Variants in ANXA5 observed in about 807,000 individuals in gnomAD.
ANXA5 encodes annexin A5.
In ANXA5, 40 loss-of-function variants were observed where a neutral mutation model predicts 48.1. That is an observed-to-expected ratio of 0.83 (90% CI 0.65 to 1.08). The LOEUF is 1.08. Ranked by LOEUF, ANXA5 falls within the 50% of genes least tolerant of loss-of-function variation. ANXA5 has a pLI of 0.00. For missense variants in ANXA5, 357 were observed against 376.8 expected (o/e 0.95, Z 0.44); for synonymous variants, 113 against 129.1 (o/e 0.88, Z 0.85).
intron 11 of ANXA5, 22 bp from the exon 12 acceptor site, chr4:121,669,746 G>T (rs781741263): frequency 6.4e-7 from 1 of 1,568,642 alleles, no homozygotes; most frequent in South Asian, 1.2e-5. Flanking sequence ...AAAAAAAAGA[G>T]AGAAGCAAAA....
chr4:121,681,856 T>C lies in ANXA5; in HGVS notation c.304-95A>G, dbSNP rs113181615. 1.7e-5 allele frequency: 13 copies of C among 756,820 alleles called. No individual in the cohort carries two copies. The Admixed American group carries it at 2.4e-4, about 14-fold the overall frequency. 46.9% of individuals were successfully genotyped at this position (756,820 alleles called of 1,614,324 possible). On this transcript the variant is annotated intron_variant, in intron 5 of 12. Transcript: ENST00000296511. The stretch of plus-strand genomic sequence containing the variant: ...AGATGTTACCCAAATTGCATAGTTA[T>C]ATAAATATTATCCAGTATAACATGG...
chr4:121,670,964 G>A (rs1018554771), intron 10 of ANXA5, among the ~76,000 whole-genome samples: 3 of 152,188 alleles, frequency 2.0e-5, no homozygotes, highest in East Asian at 3.9e-4. Flanking sequence ...AGGACCACAG[G>A]AGACTCACAA....
In ANXA5 at chr4:121,669,967, T is replaced by C; in HGVS notation, c.767A>G (p.Tyr256Cys). Residue 256 changes from tyrosine to cysteine, a missense_variant, in exon 11 of 13, where the codon TAT becomes TGT. Physicochemically the swap from Tyr to Cys is radical, Grantham distance 194 (BLOSUM62 -2). Coordinates refer to ENST00000296511, the MANE Select transcript of ANXA5 (RefSeq NM_001154.4). ...SIPAYLAETL[Y>C]YAMKGAGTDD... The stretch of plus-strand genomic sequence containing the variant: ...GTCTCCACTTACCTTCATAGCATAA[T>C]AGAGGGTCTCTGCAAGGTAGGCAGG... 2 of 1,603,126 alleles carry C rather than the reference T, an allele frequency of 1.2e-6. No homozygotes were observed. The highest frequency in any genetic ancestry group is 1.7e-5 in the Admixed American group (1 of 57,900).
At chr4:121,677,997 T>A in intron 7 of ANXA5, 47 bp from the exon 8 acceptor site, 1 of 1,495,684 alleles carries the variant, frequency 6.7e-7, no homozygotes, top group Admixed American at 1.8e-5. Context: ...AGCATTCTCA[T>A]TCAAAAGGAA....
At chr4:121,680,116 T>A (rs933640226) in intron 6 of ANXA5, among the ~76,000 whole-genome samples, 3 of 152,166 alleles carry the variant, frequency 2.0e-5, no homozygotes, top group African/African-American at 4.8e-5. Context: ...TCAATTTTTT[T>A]AGATTCAACA....
At chr4:121,696,838 C>G in intron 1 of ANXA5, 25 bp downstream of exon 1, 1 of 362,410 alleles carries the variant, frequency 2.8e-6, no homozygotes, top group Non-Finnish European at 5.0e-6. Context: ...AGAAGGAGCC[C>G]CCTCCCCGGG....
In ANXA5 at chr4:121,684,686, C is replaced by T. The variant is rs376942269; in HGVS notation, c.180G>A (p.Leu60=). ...RQEISAAFKT[L]FGRDLLDDLK... is the part of the protein sequence containing the mutation. ...TGAAGTGTGGTCTTACCCTGCCAAA[C>T]AGAGTCTTAAAAGCTGCAGAGATTT... Residue 60 remains leucine, a synonymous_variant, in exon 4 of 13, where the codon CTG becomes CTA. Transcript: ENST00000296511. 8 of 1,613,700 alleles carry T rather than the reference C, an allele frequency of 5.0e-6. 1 individual carries two copies. The highest frequency in any genetic ancestry group is 1.1e-5 in the South Asian group (1 of 91,054).
intron 2 of ANXA5, among the ~76,000 whole-genome samples, chr4:121,695,825 G>A (rs117813005): frequency 0.02 from 3,083 of 151,844 alleles, 39 homozygotes; most frequent in East Asian, 0.042. Context: ...GCTTGAACCC[G>A]GGAGGCAGAG....
chr4:121,687,915 A>T (rs1281089963), intron 2 of ANXA5, among the ~76,000 whole-genome samples: 1 of 152,140 alleles, frequency 6.6e-6, no homozygotes, highest in African/African-American at 2.4e-5. Context: ...GGATACCCCT[A>T]CTTTTGGTAT....
rs1187644128 is a variant in ANXA5 at position 121,669,980 on chromosome 4, C to T, written c.754G>A (p.Ala252Thr). 1 of 1,605,414 alleles carries T rather than the reference C, an allele frequency of 6.2e-7. No homozygotes were observed. Among genetic ancestry groups the T allele is most frequent in the East Asian group, 2.2e-5 (1 of 44,774 alleles). Residue 252 changes from alanine to threonine, a missense_variant, in exon 11 of 13, where the codon GCA becomes ACA. Ala to Thr is a moderately conservative substitution (Grantham distance 58). Coordinates refer to ENST00000296511, the MANE Select transcript of ANXA5 (RefSeq NM_001154.4). ...KSIRSIPAYL[A>T]ETLYYAMKGA... ...TTCATAGCATAATAGAGGGTCTCTG[C>T]AAGGTAGGCAGGTATACTTCGAATA...
chr4:121,682,432 A>G (rs941966762), intron 5 of ANXA5, among the ~76,000 whole-genome samples: 3 of 152,114 alleles, frequency 2.0e-5, no homozygotes, highest in African/African-American at 7.2e-5. Context: ...ATTTTTTTTA[A>G]AAGATAGTAT....
At position 121,678,458 on chromosome 4, in the gene ANXA5, T is replaced by C. The variant is rs748313765; in HGVS notation, c.431A>G (p.Asp144Gly). ...CATCCGCTGGTAGTACCCTGAAGTG[T>C]CCCCCACCACGTCATCTTCCAGGCT... ...GSSLEDDVVG[D>G]TSGYYQRMLV... Residue 144 changes from aspartate (D) to glycine (G), a missense_variant, in exon 7 of 13, where the codon GAC (aspartate) becomes GGC (glycine). By Grantham distance (94) the Asp-to-Gly change is moderately conservative. Transcript: ENST00000296511. 1 of 1,613,628 alleles carries C rather than the reference T, an allele frequency of 6.2e-7. No homozygotes were observed. Among genetic ancestry groups the C allele is most frequent in the Non-Finnish European group, 8.5e-7 (1 of 1,179,848 alleles).
chr4:121,684,840 C>T, intron 3 of ANXA5, 69 bp from the exon 4 acceptor site: 5 of 1,214,174 alleles, frequency 4.1e-6, no homozygotes, highest in Admixed American at 1.8e-5. Context: ...CTTGGCAACT[C>T]GCTTCCCAGT....
At chr4:121,672,850 G>C (rs1724635200) in intron 8 of ANXA5, among the ~76,000 whole-genome samples, 1 of 152,172 alleles carries the variant, frequency 6.6e-6, no homozygotes, top group Non-Finnish European at 1.5e-5. Context: ...ATGGGTCCAA[G>C]CAACAAAGCA....
chr4:121,694,244 A>G (rs1725039546), intron 2 of ANXA5, among the ~76,000 whole-genome samples: 1 of 147,670 alleles, frequency 6.8e-6, no homozygotes, highest in Non-Finnish European at 1.5e-5. Context: ...AACTTAAAGT[A>G]TAATAAAAAT....
intron 9 of ANXA5, among the ~76,000 whole-genome samples, chr4:121,672,062 G>A (rs1475916794): frequency 6.6e-6 from 1 of 152,102 alleles, no homozygotes; most frequent in Non-Finnish European, 1.5e-5. Context: ...AGAAAAACCA[G>A]AAAGATCTCA....
At chr4:121,680,639 C>G (rs1260354821) in intron 6 of ANXA5, among the ~76,000 whole-genome samples, 4 of 152,110 alleles carry the variant, frequency 2.6e-5, no homozygotes, top group Admixed American at 2.6e-4. Context: ...CTGAGTAGGA[C>G]AGACCACACA....
chr4:121,690,875 T>G (rs1371449293), intron 2 of ANXA5, among the ~76,000 whole-genome samples: 1 of 152,228 alleles, frequency 6.6e-6, no homozygotes, highest in African/African-American at 2.4e-5. Flanking sequence ...CCACTAAGGA[T>G]AGCAAAGCCA....
rs772761225 is a variant in ANXA5 at position 121,681,679 on chromosome 4, T to C, written c.386A>G (p.Tyr129Cys). 1 of 1,609,162 alleles carries C rather than the reference T, an allele frequency of 6.2e-7. No individual in the cohort carries two copies. Among genetic ancestry groups the C allele is most frequent in the Non-Finnish European group, 8.5e-7 (1 of 1,176,382 alleles). ...PEELRAIKQV[Y>C]EEEYGSSLED... ...AACTCACAAACATTTACCTTCTTCA[T>C]AAACTTGTTTGATGGCTCTCAGTTC... The change falls in exon 6 of 13, where the codon TAT (tyrosine) becomes TGT (cysteine). Residue 129 changes from tyrosine (Y) to cysteine (C), a missense_variant. Coordinates refer to ENST00000296511, the MANE Select transcript of ANXA5 (RefSeq NM_001154.4).
Sources: gnomAD v4.1 joint callset for allele counts (sites outside exome capture counted in the v4.1 genomes callset) on GRCh38, gnomAD v4.1.1 for gene constraint, MANE v1.5 for transcripts, NCBI Gene and HGNC (gene_info 2026-07-23, HGNC 2026-07-21) for gene names.